Variants in UMAD1 observed in about 807,000 individuals in gnomAD.
UMAD1 encodes UBAP1-MVB12-associated (UMA)-domain containing protein 1.
In UMAD1, 8 loss-of-function variants were observed where a neutral mutation model predicts 6.1. That is an observed-to-expected ratio of 1.30 (90% CI 0.76 to 2.35). The LOEUF (loss-of-function observed/expected upper bound fraction) is 2.35. UMAD1 is among the 30% of genes most tolerant of loss of function. The probability of loss-of-function intolerance (pLI) is 0.00; values close to 1 mark genes in which losing one functional copy is unlikely to be tolerated. For synonymous variants in UMAD1, 56 were observed against 31.4 expected (o/e 1.78, Z -2.61); for missense variants, 130 against 78.4 (o/e 1.66, Z -2.49).
At chr7:7,764,192 G>A (rs1170576331) in intron 2 of UMAD1, among the ~76,000 whole-genome samples, 1 of 152,066 alleles carries the variant, frequency 6.6e-6, no homozygotes, top group Non-Finnish European at 1.5e-5. Context: ...CATCTGGGGG[G>A]TCATCTTGCA....
At chr7:7,872,370 G>C (rs914259928) in intron 3 of UMAD1, among the ~76,000 whole-genome samples, 1 of 152,214 alleles carries the variant, frequency 6.6e-6, no homozygotes, top group African/African-American at 2.4e-5. Flanking sequence ...AGGGAAGTCT[G>C]AGGAGAGGCA....
rs1784447612 is a variant in UMAD1, at chr7:7,877,591, T to C, written c.*53T>C. On this transcript the variant is annotated 3_prime_UTR_variant, in exon 4 of 4. Coordinates refer to ENST00000682710, the MANE Select transcript of UMAD1 (RefSeq NM_001302348.2). ...CTTTAAAATATGTTCGCCTATTTTA[T>C]CTAACCTGTTTGATGTTCTTTGCCG... 1.4e-6 allele frequency: 1 copy of C among 691,890 alleles called. No homozygotes were observed. Among genetic ancestry groups the C allele is most frequent in the Non-Finnish European group, 2.7e-6 (1 of 374,410 alleles). 42.9% of individuals were successfully genotyped at this position (691,890 alleles called of 1,614,324 possible). A position where few individuals can be genotyped will look rare whatever the true frequency, so the allele number is the denominator to read the frequency against.
intron 3 of UMAD1, among the ~76,000 whole-genome samples, chr7:7,858,490 C>T (rs1215576114): frequency 2.0e-5 from 3 of 152,194 alleles, no homozygotes; most frequent in African/African-American, 7.2e-5. Flanking sequence ...TTTTAGGTCA[C>T]TTTGGCAGTT....
chr7:7,679,842 G>A (rs531052930), intron 2 of UMAD1, among the ~76,000 whole-genome samples: 4 of 151,252 alleles, frequency 2.6e-5, no homozygotes, highest in Admixed American at 6.6e-5. Context: ...TGGGATTACA[G>A]GCGTGAGCTG....
intron 3 of UMAD1, among the ~76,000 whole-genome samples, chr7:7,854,832 C>T (rs768990454): frequency 6.6e-6 from 1 of 152,216 alleles, no homozygotes; most frequent in Admixed American, 6.5e-5. Context: ...CAAGGCAAAT[C>T]CCTTCTGCCT....
intron 3 of UMAD1, chr7:7,868,615 C>T (rs547874677): frequency 6.6e-6 from 1 of 151,122 alleles, no homozygotes; most frequent in East Asian, 1.9e-4. Flanking sequence ...GAAGGTAAAC[C>T]AAAATGATGT....
chr7:7,790,216 G>C (rs571959747), intron 2 of UMAD1, among the ~76,000 whole-genome samples: 1 of 152,278 alleles, frequency 6.6e-6, no homozygotes, highest in South Asian at 2.1e-4. Context: ...AGACTCTCTT[G>C]TGAGACTCAG....
At chr7:7,828,744 G>GCTC (rs4034894) in intron 3 of UMAD1, among the ~76,000 whole-genome samples, 5 of 151,362 alleles carry the variant, frequency 3.3e-5, no homozygotes, top group African/African-American at 1.2e-4. Flanking sequence ...GCTTCCCAGT[G>GCTC]CTCCTCCTCC....
chr7:7,669,181 A>G (rs1054508802), intron 1 of UMAD1, among the ~76,000 whole-genome samples: 5 of 151,946 alleles, frequency 3.3e-5, no homozygotes, highest in African/African-American at 1.2e-4. Flanking sequence ...GTTTAGTACT[A>G]TTGTTGGTTT....
intron 2 of UMAD1, among the ~76,000 whole-genome samples, chr7:7,745,428 A>G (rs756135786): frequency 6.6e-6 from 1 of 152,182 alleles, no homozygotes; most frequent in South Asian, 2.1e-4. Flanking sequence ...CCTATCATTG[A>G]TAAGCTGAGA....
Position 7,713,058 on chromosome 7 carries a change from GC to G in UMAD1, c.82+39607del, listed in dbSNP as rs1462293409. Among the ~76,000 whole-genome samples, 6 of 152,104 alleles carry G rather than the reference GC, an allele frequency of 3.9e-5. No individual in the cohort carries two copies. The East Asian group carries it at 1.2e-3, about 29-fold the overall frequency. On this transcript the variant is annotated intron_variant, in intron 2 of 3. Transcript: ENST00000682710. ...TTGCTCATTCAAAAAATATTCTAGGGCCGCGCGCGGTGGCTCACACCTATAA... is the reference window on the plus strand; with the variant it reads ...TTGCTCATTCAAAAAATATTCTAGGGCGCGCGCGGTGGCTCACACCTATAA...
chr7:7,842,178 T>C (rs1783693965), intron 3 of UMAD1, among the ~76,000 whole-genome samples: 1 of 152,258 alleles, frequency 6.6e-6, no homozygotes, highest in African/African-American at 2.4e-5. Context: ...TGTTCATTTA[T>C]TATTACGTGA....
At chr7:7,804,225 A>G (rs1042210875) in intron 3 of UMAD1, among the ~76,000 whole-genome samples, 1 of 152,234 alleles carries the variant, frequency 6.6e-6, no homozygotes, top group African/African-American at 2.4e-5. Flanking sequence ...GGAGTGGGAG[A>G]CTATAAATGA....
chr7:7,678,430 T>C (rs1482614452), intron 2 of UMAD1, among the ~76,000 whole-genome samples: 2 of 143,732 alleles, frequency 1.4e-5, no homozygotes, highest in African/African-American at 5.1e-5. Flanking sequence ...ATTTATATAT[T>C]ATTTAATATA....
At chr7:7,806,054 C>T (rs906316611) in intron 3 of UMAD1, among the ~76,000 whole-genome samples, 1 of 152,078 alleles carries the variant, frequency 6.6e-6, no homozygotes, top group African/African-American at 2.4e-5. Flanking sequence ...AGGTTAAAGG[C>T]CTAAATGTCA....
rs901206090 is a variant in UMAD1, at chr7:7,673,399, G to C, written c.28G>C (p.Glu10Gln). 14 of 1,165,792 alleles carry C rather than the reference G, an allele frequency of 1.2e-5. 1 individual carries two copies. The highest frequency in any genetic ancestry group is 1.6e-5 in the Non-Finnish European group (13 of 806,702). The allele number at this position is 1,165,792 out of a possible 1,614,324, so 72.2% of individuals were successfully genotyped here. The change falls in exon 2 of 4, where the codon GAA (glutamate) becomes CAA (glutamine). Residue 10 changes from glutamate to glutamine, a missense_variant. Glu to Gln is a conservative substitution (Grantham distance 29). Transcript: ENST00000682710. ...GTTTCACTTCTTCAGAAAGCCTCCG[G>C]AATCTAAAAAGCCCTCAGTACCAGA... is the stretch of plus-strand genomic sequence containing the variant. MFHFFRKPP[E>Q]SKKPSVPETE... is the part of the protein sequence containing the mutation.
At chr7:7,839,178 G>A (rs1783627560) in intron 3 of UMAD1, among the ~76,000 whole-genome samples, 1 of 152,128 alleles carries the variant, frequency 6.6e-6, no homozygotes, top group Non-Finnish European at 1.5e-5. Context: ...AGTGGGGATG[G>A]AGTAAGGAAG....
chr7:7,644,214 G>T (rs1785042458), intron 1 of UMAD1, among the ~76,000 whole-genome samples: 1 of 151,822 alleles, frequency 6.6e-6, no homozygotes, highest in African/African-American at 2.4e-5. Context: ...GATTTTTATT[G>T]GTTATTTATG....
At chr7:7,852,017 G>C (rs375169051) in intron 3 of UMAD1, among the ~76,000 whole-genome samples, 7 of 152,064 alleles carry the variant, frequency 4.6e-5, no homozygotes, top group East Asian at 1.9e-4. Context: ...AGCTTTTATA[G>C]GCTTTTGATC....
Sources: allele counts gnomAD v4.1 joint callset (sites outside exome capture counted in the v4.1 genomes callset), GRCh38; gene constraint gnomAD v4.1.1; transcripts MANE v1.5; gene names NCBI Gene and HGNC (gene_info 2026-07-23, HGNC 2026-07-21).